Variants in NEDD4L observed in about 807,000 individuals in gnomAD.
NEDD4L encodes E3 ubiquitin-protein ligase NEDD4-like.
NEDD4L carries 54 observed loss-of-function variants against 148.9 expected under a neutral mutation model. The observed-to-expected ratio is 0.36, with a 90% CI of 0.29 to 0.45. The LOEUF is 0.45. NEDD4L is among the 20% of genes least tolerant of loss of function. The pLI, the probability that NEDD4L is intolerant of heterozygous loss-of-function variation, is 1.00. For synonymous variants in NEDD4L, 433 were observed against 440.7 expected (o/e 0.98, Z 0.22); for missense variants, 856 against 1,233.8 (o/e 0.69, Z 4.59).
At chr18:58,109,528 A>G (rs532790297) in intron 1 of NEDD4L, among the ~76,000 whole-genome samples, 2 of 150,744 alleles carry the variant, frequency 1.3e-5, no homozygotes, top group African/African-American at 4.9e-5. Flanking sequence ...GTGAAAGGGG[A>G]CAGATCACAC....
At position 58,398,792 on chromosome 18, in the gene NEDD4L, A is replaced by G. The variant is rs1259520323; in HGVS notation, c.*2523A>G. ...TGAATCGTGATGACCACACCCAGTC[A>G]TCTTCACAGCATAATTGCAGGTGGC... On this transcript the variant is annotated 3_prime_UTR_variant, in exon 31 of 31. Coordinates refer to ENST00000400345, the MANE Select transcript of NEDD4L (RefSeq NM_001144967.3). 6.6e-6 allele frequency: 1 copy of G among 152,244 alleles called. No homozygotes were observed. Among genetic ancestry groups the G allele is most frequent in the Non-Finnish European group, 1.5e-5 (1 of 68,044 alleles). 9.4% of individuals were successfully genotyped at this position (152,244 alleles called of 1,614,324 possible).
chr18:58,088,811 G>A (rs2083901358), intron 1 of NEDD4L, among the ~76,000 whole-genome samples: 1 of 152,090 alleles, frequency 6.6e-6, no homozygotes, highest in Admixed American at 6.5e-5. Context: ...TGGCAGTTAT[G>A]TTACTGACTG....
chr18:58,373,299 T>C, intron 24 of NEDD4L, 30 bp downstream of exon 24: 1 of 1,342,094 alleles, frequency 7.5e-7, no homozygotes, highest in South Asian at 1.3e-5. Flanking sequence ...GGAACTCTTC[T>C]TTAGCTTTCA....
At chr18:58,293,982 C>T (rs1302683922) in intron 5 of NEDD4L, among the ~76,000 whole-genome samples, 2 of 152,198 alleles carry the variant, frequency 1.3e-5, no homozygotes, top group Non-Finnish European at 2.9e-5. Flanking sequence ...CTTGGCTTCC[C>T]AAAGTTCTGG....
intron 2 of NEDD4L, among the ~76,000 whole-genome samples, chr18:58,241,525 T>C (rs1372201184): frequency 3.3e-5 from 5 of 152,124 alleles, no homozygotes; most frequent in African/African-American, 1.2e-4. Context: ...GACCAGTGCA[T>C]AGAAATCACA....
At chr18:58,115,123 C>T (rs527528575) in intron 1 of NEDD4L, among the ~76,000 whole-genome samples, 102 of 152,302 alleles carry the variant, frequency 6.7e-4, no homozygotes, top group Admixed American at 4.3e-3. Context: ...TAGGCTAAAC[C>T]TTAGGCGTCT....
intron 6 of NEDD4L, among the ~76,000 whole-genome samples, chr18:58,317,989 G>A (rs1418418776): frequency 2.0e-5 from 3 of 152,210 alleles, no homozygotes; most frequent in Non-Finnish European, 2.9e-5. Context: ...CCCAAGTTGC[G>A]TGTTCTGAAT....
chr18:58,255,574 G>A (rs2048414962), intron 5 of NEDD4L: 1 of 1,231,986 alleles, frequency 8.1e-7, no homozygotes, highest in Non-Finnish European at 1.0e-6. Context: ...TCTTTGGTTT[G>A]TGACTTCTGG....
chr18:58,139,384 C>A (rs57574586), intron 1 of NEDD4L, among the ~76,000 whole-genome samples: 4,886 of 142,632 alleles, frequency 0.034, 128 homozygotes, highest in East Asian at 0.17. Context: ...ACTTAATGAA[C>A]CAAAACTCTG....
At chr18:58,258,844 CA>C (rs1164028201) in intron 5 of NEDD4L, among the ~76,000 whole-genome samples, 1 of 152,158 alleles carries the variant, frequency 6.6e-6, no homozygotes, top group Non-Finnish European at 1.5e-5. Flanking sequence ...TTCATATGGA[CA>C]GGGGTGTTAA....
intron 6 of NEDD4L, 58 bp downstream of exon 6, chr18:58,316,090 G>A (rs1230975715): frequency 1.3e-5 from 18 of 1,380,518 alleles, no homozygotes; most frequent in African/African-American, 2.9e-5. Context: ...CTAATTGTTT[G>A]TAGTCAGTGT....
rs181848506 is a variant in NEDD4L, at chr18:58,263,751, G to A, written c.297+11697G>A. Among the ~76,000 whole-genome samples the A allele has an allele frequency of 6.9e-3, 999 of 145,774 alleles. 6 individuals are homozygous for A. Among genetic ancestry groups the A allele is most frequent in the Non-Finnish European group, 8.6e-3 (579 of 67,088 alleles). On this transcript the variant is annotated intron_variant, in intron 5 of 30. Coordinates refer to ENST00000400345, the MANE Select transcript of NEDD4L (RefSeq NM_001144967.3). Reference sequence around the variant, plus strand: ...GAAGGAAAACAACTGTTTTGGTCCAGATTTTAAAAATTGAGTTGAATAGAA... The same window carrying A: ...GAAGGAAAACAACTGTTTTGGTCCAAATTTTAAAAATTGAGTTGAATAGAA...
chr18:58,153,541 T>C (rs866352611), intron 1 of NEDD4L, among the ~76,000 whole-genome samples: 9 of 152,100 alleles, frequency 5.9e-5, no homozygotes, highest in Admixed American at 2.0e-4. Context: ...GGTTTCACCA[T>C]GTTGGCCAGG....
Position 58,165,670 on chromosome 18 carries a change from G to T in NEDD4L, c.49-118G>T, listed in dbSNP as rs1599278272. ...AGGAAGAATTGCTTATGCTCGAATT[G>T]ATTTGTTCTGTATCCCAATACTGGA... On this transcript the variant is annotated intron_variant, in intron 1 of 30. Transcript: ENST00000400345. 2.0e-6 allele frequency: 3 copies of T among 1,528,630 alleles called. No homozygotes were observed. The East Asian group carries it at 7.2e-5, about 36-fold the overall frequency. The allele number at this position is 1,528,630 out of a possible 1,614,324, so 94.7% of individuals were successfully genotyped here.
intron 1 of NEDD4L, among the ~76,000 whole-genome samples, chr18:58,151,812 A>G (rs2034807172): frequency 6.6e-6 from 1 of 152,064 alleles, no homozygotes; most frequent in Admixed American, 6.6e-5. Flanking sequence ...GGTGTGAGCA[A>G]TGGAGCTCAA....
At chr18:58,191,159 A>G (rs566486298) in intron 2 of NEDD4L, among the ~76,000 whole-genome samples, 1 of 152,304 alleles carries the variant, frequency 6.6e-6, no homozygotes, top group Non-Finnish European at 1.5e-5. Flanking sequence ...AACTAGTGAT[A>G]AAAAGAACTT....
chr18:58,227,097 T>A (rs143324038), intron 2 of NEDD4L, among the ~76,000 whole-genome samples: 52 of 152,312 alleles, frequency 3.4e-4, no homozygotes, highest in African/African-American at 1.2e-3. Flanking sequence ...GTGCTTCTTG[T>A]CTCTTTAGTT....
intron 2 of NEDD4L, among the ~76,000 whole-genome samples, chr18:58,183,969 GC>G (rs1568345256): frequency 6.6e-6 from 1 of 152,018 alleles, no homozygotes; most frequent in Non-Finnish European, 1.5e-5. Context: ...GGAGATCAAG[GC>G]CATCCTGGCT....
intron 4 of NEDD4L, among the ~76,000 whole-genome samples, chr18:58,250,750 T>C (rs1392246077): frequency 6.6e-6 from 1 of 152,168 alleles, no homozygotes; most frequent in African/African-American, 2.4e-5. Context: ...CTGAGGACTC[T>C]CAATCTCCCT....
Sources: allele counts gnomAD v4.1 joint callset (sites outside exome capture counted in the v4.1 genomes callset), GRCh38; gene constraint gnomAD v4.1.1; transcripts MANE v1.5; gene names NCBI Gene and HGNC (gene_info 2026-07-23, HGNC 2026-07-21).